SPATA9: variants seen among roughly 807,000 people sequenced by gnomAD.
The protein encoded by SPATA9 is spermatogenesis associated 9, also known as spermatogenesis-associated protein 9.
A neutral mutation model predicts 25.5 loss-of-function variants in SPATA9; 27 were observed. The observed-to-expected ratio is 1.06, with a 90% CI of 0.78 to 1.46. The LOEUF is 1.46. SPATA9 is among the 40% of genes most tolerant of loss of function. The probability of loss-of-function intolerance (pLI) is 0.00; values close to 1 mark genes in which losing one functional copy is unlikely to be tolerated. For synonymous variants in SPATA9, 102 were observed against 105.7 expected (o/e 0.97, Z 0.21); for missense variants, 282 against 297.5 (o/e 0.95, Z 0.38).
chr5:95,677,245 G>A (rs1458700559), intron 2 of SPATA9, among the ~76,000 whole-genome samples: 5 of 152,136 alleles, frequency 3.3e-5, no homozygotes, highest in South Asian at 2.1e-4. Context: ...AGTATAAATT[G>A]TAAGTGTTTT....
intron 1 of SPATA9, among the ~76,000 whole-genome samples, chr5:95,697,728 G>A (rs1466187433): frequency 6.6e-6 from 1 of 152,076 alleles, no homozygotes; most frequent in Admixed American, 6.5e-5. Context: ...ATTTATCATT[G>A]GCAATAAACA....
chr5:95,660,959 ACT>A (rs1252235547), intron 4 of SPATA9, among the ~76,000 whole-genome samples: 4 of 136,680 alleles, frequency 2.9e-5, no homozygotes, highest in African/African-American at 1.0e-4. Context: ...ACTGCTACAC[ACT>A]CTGTCTTCTT....
chr5:95,654,455 G>A, downstream of SPATA9: 1 of 870,438 alleles, frequency 1.1e-6, no homozygotes, highest in Non-Finnish European at 1.8e-6. Flanking sequence ...ATATTTTAAT[G>A]CTTTGAATAT....
chr5:95,709,055 C>T, the SPATA9 span, among the ~76,000 whole-genome samples: 17 of 152,194 alleles, frequency 1.1e-4, no homozygotes, highest in South Asian at 3.1e-3. Flanking sequence ...GAATTCAATC[C>T]GCCTTCAGAG....
upstream of SPATA9, among the ~76,000 whole-genome samples, chr5:95,699,632 C>A (rs1754130501): frequency 6.6e-6 from 1 of 152,088 alleles, no homozygotes; most frequent in Non-Finnish European, 1.5e-5. Context: ...ACTGCTTAGA[C>A]ATATATGGTA....
intron 2 of SPATA9, among the ~76,000 whole-genome samples, chr5:95,681,732 T>A (rs1394678765): frequency 3.3e-5 from 5 of 152,214 alleles, no homozygotes. Flanking sequence ...GAATGAAATA[T>A]GTATACTTTG....
chr5:95,724,581 C>T, the SPATA9 span, among the ~76,000 whole-genome samples: 2 of 152,172 alleles, frequency 1.3e-5, no homozygotes, highest in Non-Finnish European at 2.9e-5. Flanking sequence ...AGCTCCTCTA[C>T]TCCCTACTTG....
the SPATA9 span, among the ~76,000 whole-genome samples, chr5:95,710,473 A>G: frequency 6.6e-6 from 1 of 152,228 alleles, no homozygotes; most frequent in Admixed American, 6.5e-5. Flanking sequence ...CTCTTGGACT[A>G]GGCTTGCTGT....
the SPATA9 span, among the ~76,000 whole-genome samples, chr5:95,712,701 C>T: frequency 6.6e-6 from 1 of 152,164 alleles, no homozygotes; most frequent in Admixed American, 6.5e-5. Context: ...TTTGAGTTTT[C>T]CCACCTGAGG....
At chr5:95,717,295 A>G in the SPATA9 span, among the ~76,000 whole-genome samples, 1 of 152,140 alleles carries the variant, frequency 6.6e-6, no homozygotes, top group African/African-American at 2.4e-5. Flanking sequence ...CTGCCAGCCT[A>G]TCCTGTAGAC....
At chr5:95,660,500 A>G (rs186852978) in intron 4 of SPATA9, among the ~76,000 whole-genome samples, 308 of 152,320 alleles carry the variant, frequency 2.0e-3, no homozygotes, top group African/African-American at 6.8e-3. Flanking sequence ...ATCGATTAAG[A>G]TACTGTCATT....
chr5:95,692,397 T>C lies in SPATA9; in HGVS notation n.124+6191A>G, dbSNP rs79453196. 9.5e-3 allele frequency among the ~76,000 whole-genome samples: 1,443 copies of C among 152,204 alleles called. 22 individuals carry two copies. Among genetic ancestry groups the C allele is most frequent in the African/African-American group, 0.033 (1,361 of 41,556 alleles). On this transcript the variant is annotated intron_variant and non_coding_transcript_variant, in intron 1 of 2. Transcript: ENST00000379990. ...ATTTGTACATTAAAATTTTCTTATT[T>C]GGGGACCGGTTTTGGTGATTTATGT...
chr5:95,679,898 T>C (rs1474221236), intron 2 of SPATA9, among the ~76,000 whole-genome samples: 1 of 152,226 alleles, frequency 6.6e-6, no homozygotes, highest in Non-Finnish European at 1.5e-5. Flanking sequence ...AGTTAACTTT[T>C]TGTTTGTTTG....
chr5:95,727,948 C>T, the SPATA9 span, among the ~76,000 whole-genome samples: 5 of 152,220 alleles, frequency 3.3e-5, no homozygotes, highest in African/African-American at 1.2e-4. Context: ...TGGTTCCACA[C>T]TGCAGTGCTA....
At chr5:95,662,452 A>G (rs1049356590) in intron 4 of SPATA9, among the ~76,000 whole-genome samples, 14 of 152,118 alleles carry the variant, frequency 9.2e-5, no homozygotes, top group South Asian at 2.1e-4. Flanking sequence ...GGATCTCACT[A>G]TTTTGCCCAA....
the SPATA9 span, among the ~76,000 whole-genome samples, chr5:95,723,904 C>T: frequency 6.6e-6 from 1 of 152,170 alleles, no homozygotes; most frequent in Middle Eastern, 3.2e-3. Flanking sequence ...AATGTGAGCA[C>T]ACTCCCAAGG....
the SPATA9 span, among the ~76,000 whole-genome samples, chr5:95,707,301 G>A: frequency 1.3e-5 from 2 of 152,172 alleles, no homozygotes. Context: ...ACATGGATTA[G>A]TTAAAACAGA....
At chr5:95,711,470 G>A in the SPATA9 span, among the ~76,000 whole-genome samples, 1 of 152,116 alleles carries the variant, frequency 6.6e-6, no homozygotes, top group Non-Finnish European at 1.5e-5. Flanking sequence ...TAGAAAAAGG[G>A]ACATAAACCA....
At chr5:95,663,131 G>A (rs1245885127) in intron 4 of SPATA9, among the ~76,000 whole-genome samples, 1 of 152,172 alleles carries the variant, frequency 6.6e-6, no homozygotes, top group East Asian at 1.9e-4. Context: ...ATGTCCATCA[G>A]CAGTAGAATG....
Sources: allele counts gnomAD v4.1 joint callset (sites outside exome capture counted in the v4.1 genomes callset), GRCh38; gene constraint gnomAD v4.1.1; transcripts MANE v1.5; gene names NCBI Gene and HGNC (gene_info 2026-07-23, HGNC 2026-07-21).